HYCC1: variants seen among roughly 807,000 people sequenced by gnomAD.
HYCC1 encodes the protein hyccin.
the HYCC1 span, among the ~76,000 whole-genome samples, chr7:22,931,717 G>A: frequency 1.3e-5 from 2 of 152,184 alleles, no homozygotes; most frequent in Non-Finnish European, 2.9e-5. Flanking sequence ...CATTGAAGAT[G>A]CTTCTGGTGA....
the HYCC1 span, among the ~76,000 whole-genome samples, chr7:22,899,671 CT>C: frequency 7.2e-5 from 11 of 152,108 alleles, no homozygotes; most frequent in Admixed American, 2.0e-4. Flanking sequence ...AATGCCAATT[CT>C]TTTTTTCTCT....
the HYCC1 span, chr7:22,942,370 A>G: frequency 6.6e-6 from 1 of 152,110 alleles, no homozygotes; most frequent in Non-Finnish European, 1.5e-5. Flanking sequence ...AAAAATTTCC[A>G]TAGTGGTATA....
chr7:22,903,818 A>G, the HYCC1 span, among the ~76,000 whole-genome samples: 1 of 152,242 alleles, frequency 6.6e-6, no homozygotes, highest in Non-Finnish European at 1.5e-5. Flanking sequence ...CAACATGTGA[A>G]GACATTTTTT....
the HYCC1 span, chr7:22,943,801 C>T: frequency 6.6e-6 from 1 of 152,534 alleles, no homozygotes; most frequent in Non-Finnish European, 1.5e-5. Context: ...AATACAATAT[C>T]AAGTTTCACT....
At chr7:22,997,653 T>C in the HYCC1 span, among the ~76,000 whole-genome samples, 47 of 152,312 alleles carry the variant, frequency 3.1e-4, no homozygotes, top group Admixed American at 6.5e-4. Context: ...GGACAGTATA[T>C]GTGCTGTTGC....
At chr7:22,916,187 C>A in the HYCC1 span, among the ~76,000 whole-genome samples, 1 of 152,174 alleles carries the variant, frequency 6.6e-6, no homozygotes, top group East Asian at 1.9e-4. Context: ...ACTCTCCTTA[C>A]AATTCCCCCA....
the HYCC1 span, among the ~76,000 whole-genome samples, chr7:22,966,194 A>C: frequency 6.6e-6 from 1 of 152,206 alleles, no homozygotes. Flanking sequence ...AGTCATAGTT[A>C]TCTCTGATCT....
the HYCC1 span, chr7:22,976,443 A>G: frequency 1.4e-6 from 1 of 704,650 alleles, no homozygotes; most frequent in Admixed American, 2.7e-5. Context: ...CAATAATGAA[A>G]AACTACAAGG....
the HYCC1 span, among the ~76,000 whole-genome samples, chr7:22,919,015 G>C: frequency 6.6e-6 from 1 of 152,254 alleles, no homozygotes; most frequent in South Asian, 2.1e-4. Context: ...CAGAGAGGGA[G>C]AGAAAAATCC....
At chr7:23,001,553 T>C in the HYCC1 span, among the ~76,000 whole-genome samples, 1 of 152,172 alleles carries the variant, frequency 6.6e-6, no homozygotes, top group Non-Finnish European at 1.5e-5. Context: ...GAAAAGTAAA[T>C]TATTCAGATG....
At chr7:22,926,522 G>C in the HYCC1 span, among the ~76,000 whole-genome samples, 2 of 152,142 alleles carry the variant, frequency 1.3e-5, no homozygotes, top group East Asian at 3.9e-4. Flanking sequence ...AAAAAGGCAG[G>C]GGTTCCAATC....
the HYCC1 span, among the ~76,000 whole-genome samples, chr7:22,900,383 G>A: frequency 6.6e-6 from 1 of 152,188 alleles, no homozygotes; most frequent in Admixed American, 6.5e-5. Flanking sequence ...TTTCAGTGTA[G>A]ATGGATTCAT....
At chr7:22,946,498 C>T in the HYCC1 span, among the ~76,000 whole-genome samples, 1,337 of 152,000 alleles carry the variant, frequency 8.8e-3, 19 homozygotes, top group African/African-American at 0.03. Flanking sequence ...GTGAACTCTC[C>T]TTCAGTAGCA....
At chr7:22,947,298 C>T in the HYCC1 span, 5 of 1,461,268 alleles carry the variant, frequency 3.4e-6, no homozygotes, top group East Asian at 5.0e-5. Flanking sequence ...AAAACAAAAA[C>T]GTGAAATGAG....
At chr7:22,930,749 T>G in the HYCC1 span, among the ~76,000 whole-genome samples, 1 of 151,956 alleles carries the variant, frequency 6.6e-6, no homozygotes, top group Non-Finnish European at 1.5e-5. Context: ...CAAAGAAACA[T>G]AAAAAGAATT....
chr7:22,969,423 C>G, the HYCC1 span, among the ~76,000 whole-genome samples: 1 of 151,438 alleles, frequency 6.6e-6, no homozygotes, highest in African/African-American at 2.4e-5. Flanking sequence ...GCCGTGGCCT[C>G]TCAAAGTGCT....
the HYCC1 span, among the ~76,000 whole-genome samples, chr7:22,911,209 C>T: frequency 6.6e-6 from 1 of 152,148 alleles, no homozygotes; most frequent in Non-Finnish European, 1.5e-5. Context: ...AATTTGGTGG[C>T]TGCTATCAAG....
the HYCC1 span, among the ~76,000 whole-genome samples, chr7:22,952,073 G>A: frequency 6.6e-6 from 1 of 151,916 alleles, no homozygotes; most frequent in South Asian, 2.1e-4. Flanking sequence ...ACTGAAATTT[G>A]TTGAGCACCT....
At chr7:22,940,236 GTTTTTTTTTTTTTTTTT>G in the HYCC1 span, 37 of 87,188 alleles carry the variant, frequency 4.2e-4, no homozygotes, top group East Asian at 6.3e-3. Context: ...AATAGGTTCT[GTTTTTTTTTTTTTTTTT>G]TTTTTTTTTT....
Sources: gnomAD v4.1 joint callset for allele counts (sites outside exome capture counted in the v4.1 genomes callset) on GRCh38, gnomAD v4.1.1 for gene constraint, MANE v1.5 for transcripts, NCBI Gene and HGNC (gene_info 2026-07-23, HGNC 2026-07-21) for gene names.